Variants in FTCDNL1 observed in about 807,000 individuals in gnomAD.
FTCDNL1 encodes formiminotransferase cyclodeaminase N-terminal like, also known as formiminotransferase N-terminal subdomain-containing protein.
In FTCDNL1, 11 loss-of-function variants were observed where a neutral mutation model predicts 5.9. The ratio of observed to expected loss-of-function variants is 1.87; its 90% CI spans 1.18 to 3.10. FTCDNL1 has a LOEUF of 3.10. Among genes scored for constraint, FTCDNL1 ranks in the 30% most tolerant of loss-of-function variants. The probability of loss-of-function intolerance (pLI) is 0.00; values close to 1 mark genes in which losing one functional copy is unlikely to be tolerated. For synonymous variants in FTCDNL1, 58 were observed against 24.8 expected (o/e 2.34, Z -3.99); for missense variants, 115 against 65.5 (o/e 1.76, Z -2.61).
chr2:199,791,333 C>T (rs2106363533), intron 3 of FTCDNL1, among the ~76,000 whole-genome samples: 1 of 152,164 alleles, frequency 6.6e-6, no homozygotes, highest in South Asian at 2.1e-4. Context: ...GAAAAAGTAA[C>T]ATTTTACTTG....
chr2:199,678,543 T>C, the FTCDNL1 span, among the ~76,000 whole-genome samples: 3 of 152,116 alleles, frequency 2.0e-5, no homozygotes, highest in Admixed American at 2.0e-4. Context: ...GACTGTAAGA[T>C]GTAATTTATT....
intron 3 of FTCDNL1, among the ~76,000 whole-genome samples, chr2:199,829,669 A>G (rs1202351208): frequency 6.6e-6 from 1 of 152,236 alleles, no homozygotes. Context: ...GGTATTTAAT[A>G]TCATTCTTTT....
At chr2:199,847,040 A>C (rs2076750837) in intron 2 of FTCDNL1, among the ~76,000 whole-genome samples, 1 of 152,188 alleles carries the variant, frequency 6.6e-6, no homozygotes, top group Non-Finnish European at 1.5e-5. Flanking sequence ...AGAGCTTAGA[A>C]CAGCCCTACA....
At chr2:199,736,073 G>C in the FTCDNL1 span, among the ~76,000 whole-genome samples, 1 of 152,152 alleles carries the variant, frequency 6.6e-6, no homozygotes, top group African/African-American at 2.4e-5. Flanking sequence ...GAAGTAAATG[G>C]GACAGAGGGC....
chr2:199,767,229 C>G (rs1303579957), intron 3 of FTCDNL1, among the ~76,000 whole-genome samples: 1 of 152,148 alleles, frequency 6.6e-6, no homozygotes, highest in Non-Finnish European at 1.5e-5. Flanking sequence ...CCATGTTTCT[C>G]TGAGTATTTG....
intron 3 of FTCDNL1, among the ~76,000 whole-genome samples, chr2:199,843,650 A>G (rs1267815032): frequency 2.6e-5 from 4 of 152,220 alleles, no homozygotes; most frequent in Non-Finnish European, 4.4e-5. Context: ...ACAATTCACC[A>G]TTAATTAAAA....
chr2:199,732,018 C>A, the FTCDNL1 span, among the ~76,000 whole-genome samples: 19 of 152,264 alleles, frequency 1.2e-4, no homozygotes, highest in African/African-American at 3.9e-4. Context: ...GGAGGGAAAT[C>A]CACAATTATC....
intron 3 of FTCDNL1, among the ~76,000 whole-genome samples, chr2:199,793,171 A>C (rs1700012156): frequency 6.6e-6 from 1 of 152,198 alleles, no homozygotes. Context: ...AACTGCCTGC[A>C]AGTATCTTTA....
the FTCDNL1 span, among the ~76,000 whole-genome samples, chr2:199,706,316 G>A: frequency 6.6e-6 from 1 of 152,114 alleles, no homozygotes; most frequent in Admixed American, 6.6e-5. Context: ...CATCCCAGTA[G>A]GTAAATTGGG....
At chr2:199,743,564 C>T in the FTCDNL1 span, among the ~76,000 whole-genome samples, 1 of 152,182 alleles carries the variant, frequency 6.6e-6, no homozygotes, top group Admixed American at 6.5e-5. Context: ...TGGAGACTCT[C>T]CCTGACTTGC....
intron 4 of FTCDNL1, among the ~76,000 whole-genome samples, chr2:199,814,118 T>G (rs1487610863): frequency 1.3e-5 from 2 of 152,094 alleles, no homozygotes; most frequent in Non-Finnish European, 2.9e-5. Flanking sequence ...CATAAACAGT[T>G]ATTATACCAA....
chr2:199,809,257 T>A (rs1039322672), downstream of FTCDNL1, among the ~76,000 whole-genome samples: 1 of 151,314 alleles, frequency 6.6e-6, no homozygotes, highest in African/African-American at 2.4e-5. Flanking sequence ...TTTTTTTTTT[T>A]AACTTTTTTT....
At chr2:199,803,530 T>C (rs1700575206) in intron 3 of FTCDNL1, among the ~76,000 whole-genome samples, 1 of 152,136 alleles carries the variant, frequency 6.6e-6, no homozygotes, top group African/African-American at 2.4e-5. Flanking sequence ...AATGGCAAAA[T>C]TATGTCTCAC....
the FTCDNL1 span, among the ~76,000 whole-genome samples, chr2:199,691,443 A>C: frequency 6.6e-6 from 1 of 152,218 alleles, no homozygotes; most frequent in African/African-American, 2.4e-5. Context: ...TTTTATCAGC[A>C]CTAAATAATT....
At chr2:199,698,644 T>G in the FTCDNL1 span, among the ~76,000 whole-genome samples, 8 of 152,282 alleles carry the variant, frequency 5.3e-5, no homozygotes, top group African/African-American at 9.6e-5. Context: ...GAAGGAAATT[T>G]ATAGTGCTAA....
chr2:199,686,808 G>C, the FTCDNL1 span, among the ~76,000 whole-genome samples: 1 of 152,146 alleles, frequency 6.6e-6, no homozygotes, highest in African/African-American at 2.4e-5. Flanking sequence ...TACTATGCAA[G>C]TGCTCCTATC....
intron 3 of FTCDNL1, among the ~76,000 whole-genome samples, chr2:199,776,156 C>T (rs541130032): frequency 1.2e-4 from 18 of 152,088 alleles, no homozygotes; most frequent in Non-Finnish European, 2.4e-4. Context: ...TCGTAATCCA[C>T]CCACCTTGGC....
At chr2:199,701,910 T>C in the FTCDNL1 span, among the ~76,000 whole-genome samples, 1 of 152,004 alleles carries the variant, frequency 6.6e-6, no homozygotes. Flanking sequence ...TGGTGCACAC[T>C]GGTAATCCCA....
At chr2:199,807,442 A>G (rs1700786383), downstream of FTCDNL1, among the ~76,000 whole-genome samples, 1 of 151,654 alleles carries the variant, frequency 6.6e-6, no homozygotes, top group South Asian at 2.1e-4. Flanking sequence ...GTTCAAGACC[A>G]GCCTGGGCAA....
Sources: allele counts gnomAD v4.1 joint callset (sites outside exome capture counted in the v4.1 genomes callset), GRCh38; gene constraint gnomAD v4.1.1; transcripts MANE v1.5; gene names NCBI Gene and HGNC (gene_info 2026-07-23, HGNC 2026-07-21).